Variants in POLGARF observed in about 807,000 individuals in gnomAD.
The protein encoded by POLGARF is POLG alternative reading frame.
the POLGARF span, chr15:89,333,557 GC>G: frequency 6.2e-7 from 1 of 1,611,088 alleles, no homozygotes; most frequent in South Asian, 1.1e-5. Flanking sequence ...GCAGCTGCCC[GC>G]CCTCCGAGGA....
chr15:89,333,529 T>C, the POLGARF span: 6 of 1,612,896 alleles, frequency 3.7e-6, no homozygotes, highest in East Asian at 2.2e-5. Context: ...AGCATCTGGA[T>C]GTCCAATGGG....
At chr15:89,330,511 G>T in the POLGARF span, among the ~76,000 whole-genome samples, 1 of 152,154 alleles carries the variant, frequency 6.6e-6, no homozygotes, top group Non-Finnish European at 1.5e-5. Context: ...CATAAAAATG[G>T]AACTACTGGG....
the POLGARF span, chr15:89,333,596 TTGCTGCTGCTGC>T: frequency 6.9e-4 from 1,107 of 1,598,102 alleles, 4 homozygotes; most frequent in South Asian, 2.1e-3. Flanking sequence ...GAGGCTGCTG[TTGCTGCTGCTGC>T]TGCTGCTGCT....
the POLGARF span, among the ~76,000 whole-genome samples, chr15:89,331,299 A>AC: frequency 2.9e-4 from 43 of 149,854 alleles, no homozygotes; most frequent in Non-Finnish European, 4.7e-4. Flanking sequence ...AGAAATCCCC[A>AC]CCCCCCCACA....
the POLGARF span, chr15:89,333,437 G>A: frequency 1.2e-6 from 2 of 1,609,254 alleles, no homozygotes; most frequent in Admixed American, 1.7e-5. Context: ...GCTTCTGCAG[G>A]TGCTCGACGC....
chr15:89,332,584 T>C, the POLGARF span, among the ~76,000 whole-genome samples: 1 of 71,110 alleles, frequency 1.4e-5, no homozygotes, highest in Non-Finnish European at 2.5e-5. Flanking sequence ...AGGGGGCGTC[T>C]GGAAACGTTG....
At chr15:89,330,832 G>T in the POLGARF span, among the ~76,000 whole-genome samples, 1 of 152,128 alleles carries the variant, frequency 6.6e-6, no homozygotes, top group African/African-American at 2.4e-5. Flanking sequence ...CACACACCTT[G>T]GAGAAGCAAC....
chr15:89,333,587 A>AGGCTGCTGT, the POLGARF span: 2 of 1,605,880 alleles, frequency 1.2e-6, no homozygotes, highest in Non-Finnish European at 1.7e-6. Flanking sequence ...GCGGCTGCTG[A>AGGCTGCTGT]GGCTGCTGTT....
At chr15:89,333,701 C>G in the POLGARF span, 5 of 1,539,918 alleles carry the variant, frequency 3.2e-6, no homozygotes, top group Non-Finnish European at 3.5e-6. Context: ...GAGCTGGAAC[C>G]GGCCCTGGCC....
At chr15:89,331,306 C>G in the POLGARF span, among the ~76,000 whole-genome samples, 4 of 152,020 alleles carry the variant, frequency 2.6e-5, no homozygotes, top group African/African-American at 7.2e-5. Flanking sequence ...CCCACCCCCC[C>G]ACATTTTAAT....
chr15:89,333,327 G>A, the POLGARF span: 52 of 1,558,994 alleles, frequency 3.3e-5, no homozygotes, highest in Non-Finnish European at 4.3e-5. Context: ...CTGCTTCTGG[G>A]CCAGGAGGCG....
At chr15:89,331,941 A>G in the POLGARF span, among the ~76,000 whole-genome samples, 6 of 152,238 alleles carry the variant, frequency 3.9e-5, no homozygotes, top group South Asian at 2.1e-4. Context: ...AAGGAGAGGT[A>G]AAAAGAGAGA....
the POLGARF span, chr15:89,333,325 G>C: frequency 3.8e-6 from 6 of 1,558,814 alleles, no homozygotes; most frequent in Non-Finnish European, 5.2e-6. Context: ...CTCTGCTTCT[G>C]GGCCAGGAGG....
the POLGARF span, chr15:89,333,046 T>TAA: frequency 6.7e-7 from 1 of 1,499,164 alleles, no homozygotes; most frequent in Admixed American, 2.3e-5. Context: ...AACAAACTAT[T>TAA]AAGCTGGGCC....
At chr15:89,333,247 C>A in the POLGARF span, 1 of 1,575,292 alleles carries the variant, frequency 6.3e-7, no homozygotes, top group Non-Finnish European at 8.6e-7. Flanking sequence ...TCCGCCCAGG[C>A]CCAAGCCGGG....
the POLGARF span, chr15:89,333,306 T>A: frequency 6.4e-7 from 1 of 1,555,726 alleles, no homozygotes. Context: ...CGCCTCCAGG[T>A]AGGGCAGGCT....
the POLGARF span, among the ~76,000 whole-genome samples, chr15:89,330,465 G>A: frequency 1.7e-3 from 259 of 152,286 alleles, 1 homozygote; most frequent in African/African-American, 5.9e-3. Flanking sequence ...GTGTGCTGGC[G>A]GGCAAGAGCT....
At chr15:89,333,392 G>C in the POLGARF span, 2 of 1,591,060 alleles carry the variant, frequency 1.3e-6, no homozygotes, top group Non-Finnish European at 1.7e-6. Flanking sequence ...GCTCCACGTC[G>C]GGCAAGGGCA....
chr15:89,331,874 TACC>T, the POLGARF span, among the ~76,000 whole-genome samples: 2 of 148,300 alleles, frequency 1.3e-5, no homozygotes, highest in Non-Finnish European at 3.0e-5. Context: ...ATGCCCCGAG[TACC>T]ACTGGCAAGA....
Sources: gnomAD v4.1 joint callset for allele counts (sites outside exome capture counted in the v4.1 genomes callset) on GRCh38, gnomAD v4.1.1 for gene constraint, MANE v1.5 for transcripts, NCBI Gene and HGNC (gene_info 2026-07-23, HGNC 2026-07-21) for gene names.